The following ASPRV1 variants were observed in gnomAD, a reference collection of about 807,000 sequenced individuals.
ASPRV1 encodes retroviral-like aspartic protease 1.
Under a neutral mutation model 11.0 loss-of-function variants are expected in ASPRV1, and 7 were observed. The observed-to-expected ratio is 0.64, with a 90% CI of 0.36 to 1.20. The LOEUF (loss-of-function observed/expected upper bound fraction) is 1.20. Ranked by LOEUF, ASPRV1 falls within the 50% of genes most tolerant of loss-of-function variation. ASPRV1 has a pLI of 0.02. For missense variants in ASPRV1, 299 were observed against 320.0 expected (o/e 0.93, Z 0.50); for synonymous variants, 136 against 138.4 (o/e 0.98, Z 0.12).
the ASPRV1 span, among the ~76,000 whole-genome samples, chr2:69,932,846 T>C: frequency 2.6e-5 from 4 of 152,248 alleles, no homozygotes; most frequent in African/African-American, 9.6e-5. Context: ...TTCTGAATCA[T>C]GCAGTCTTTG....
the ASPRV1 span, chr2:69,995,381 T>C: frequency 3.4e-5 from 5 of 147,418 alleles, no homozygotes; most frequent in African/African-American, 1.0e-4. Context: ...AGAGCAAGAC[T>C]CTGCCTCAAA....
chr2:70,000,749 A>G, the ASPRV1 span, among the ~76,000 whole-genome samples: 1 of 135,968 alleles, frequency 7.4e-6, no homozygotes, highest in Non-Finnish European at 1.5e-5. Flanking sequence ...TGATCACGCC[A>G]CTGCACTCCA....
the ASPRV1 span, among the ~76,000 whole-genome samples, chr2:69,947,000 GA>G: frequency 6.6e-6 from 1 of 152,202 alleles, no homozygotes; most frequent in Non-Finnish European, 1.5e-5. Context: ...CTCATCAGAA[GA>G]GGCCAAATGA....
At chr2:69,938,791 T>TG in the ASPRV1 span, 2 of 154,102 alleles carry the variant, frequency 1.3e-5, no homozygotes, top group East Asian at 3.9e-4. Flanking sequence ...TCACCACCAG[T>TG]GAGGAAGTCA....
At chr2:69,986,121 G>T in the ASPRV1 span, among the ~76,000 whole-genome samples, 2 of 152,202 alleles carry the variant, frequency 1.3e-5, no homozygotes, top group Admixed American at 6.5e-5. Context: ...TGTTGAGTGG[G>T]ACACAGATGT....
At chr2:70,044,174 G>A in the ASPRV1 span, among the ~76,000 whole-genome samples, 1 of 151,986 alleles carries the variant, frequency 6.6e-6, no homozygotes, top group African/African-American at 2.4e-5. Flanking sequence ...ACTCTTCCTG[G>A]AGTCTCTTCA....
At chr2:69,933,796 A>G in the ASPRV1 span, among the ~76,000 whole-genome samples, 2 of 152,154 alleles carry the variant, frequency 1.3e-5, no homozygotes, top group Non-Finnish European at 2.9e-5. Flanking sequence ...TTTGGTCTAT[A>G]TTTTCAACTT....
chr2:70,080,231 TG>T, the ASPRV1 span, among the ~76,000 whole-genome samples: 19 of 136,414 alleles, frequency 1.4e-4, no homozygotes, highest in African/African-American at 5.6e-4. Context: ...CTGCCCCTTC[TG>T]TTTTTTTTTT....
At chr2:70,067,340 G>A in the ASPRV1 span, among the ~76,000 whole-genome samples, 2 of 152,124 alleles carry the variant, frequency 1.3e-5, no homozygotes, top group Non-Finnish European at 2.9e-5. Flanking sequence ...AAAAGCAGGG[G>A]GCTGCAAGAC....
At chr2:70,039,928 G>A in the ASPRV1 span, among the ~76,000 whole-genome samples, 2 of 152,296 alleles carry the variant, frequency 1.3e-5, no homozygotes, top group Non-Finnish European at 2.9e-5. Flanking sequence ...AACAAATGAC[G>A]CCAGACAGTG....
chr2:69,980,690 G>A, the ASPRV1 span, among the ~76,000 whole-genome samples: 96 of 152,328 alleles, frequency 6.3e-4, no homozygotes, highest in African/African-American at 2.1e-3. Flanking sequence ...AGATAGGAAC[G>A]TTAGAGGAAG....
At chr2:69,959,595 G>A (rs1012804248), downstream of ASPRV1, among the ~76,000 whole-genome samples, 10 of 151,894 alleles carry the variant, frequency 6.6e-5, no homozygotes, top group African/African-American at 2.4e-4. Context: ...ACCTCCCACC[G>A]CCGGGACCCT....
the ASPRV1 span, among the ~76,000 whole-genome samples, chr2:70,000,336 CCACACACACA>C: frequency 7.9e-6 from 1 of 126,354 alleles, no homozygotes; most frequent in African/African-American, 3.2e-5. Flanking sequence ...AAAAAAAAAA[CCACACACACA>C]CACACACACA....
chr2:69,974,637 C>T, the ASPRV1 span, among the ~76,000 whole-genome samples: 113 of 152,292 alleles, frequency 7.4e-4, 1 homozygote, highest in Middle Eastern at 3.4e-3. Context: ...GATCTATCAG[C>T]GAAACTGAAC....
chr2:69,959,890 A>G (rs1047530329), downstream of ASPRV1, among the ~76,000 whole-genome samples: 5 of 152,232 alleles, frequency 3.3e-5, no homozygotes, highest in Non-Finnish European at 7.3e-5. Flanking sequence ...ATGACGATTC[A>G]AAATAATGAG....
chr2:70,069,997 G>A, the ASPRV1 span, among the ~76,000 whole-genome samples: 207 of 151,970 alleles, frequency 1.4e-3, 1 homozygote, highest in African/African-American at 4.8e-3. Flanking sequence ...TGGCCAACAC[G>A]GCGAAACCTC....
the ASPRV1 span, chr2:69,937,355 G>A: frequency 2.1e-5 from 34 of 1,613,624 alleles, no homozygotes; most frequent in East Asian, 2.0e-4. Flanking sequence ...GGACAGCATC[G>A]GCTCCACCGT....
chr2:70,048,107 CAAAAAAAAAAAA>C, the ASPRV1 span, among the ~76,000 whole-genome samples: 30 of 32,484 alleles, frequency 9.2e-4, no homozygotes, highest in African/African-American at 2.8e-3. Context: ...GACTCCATCT[CAAAAAAAAAAAA>C]AAAAAAAAAA....
the ASPRV1 span, among the ~76,000 whole-genome samples, chr2:70,064,284 T>C: frequency 3.3e-5 from 5 of 152,188 alleles, no homozygotes; most frequent in African/African-American, 7.2e-5. Context: ...CCTCAGGTGC[T>C]GCCCCCAATA....
Sources: gnomAD v4.1 joint callset for allele counts (sites outside exome capture counted in the v4.1 genomes callset) on GRCh38, gnomAD v4.1.1 for gene constraint, MANE v1.5 for transcripts, NCBI Gene and HGNC (gene_info 2026-07-23, HGNC 2026-07-21) for gene names.